The following KLHL32 variants were observed in gnomAD, a reference collection of about 807,000 sequenced individuals.
KLHL32 encodes the protein kelch-like protein 32.
KLHL32 carries 35 observed loss-of-function variants against 64.8 expected under a neutral mutation model. The ratio of observed to expected loss-of-function variants is 0.54; its 90% CI spans 0.41 to 0.72. The LOEUF (loss-of-function observed/expected upper bound fraction) is 0.72, where lower values mean the gene tolerates loss of function less well. Ranked by LOEUF, KLHL32 falls within the 30% of genes least tolerant of loss-of-function variation. The pLI is 0.00. For synonymous variants in KLHL32, 259 were observed against 281.0 expected, an observed-to-expected ratio of 0.92 and a Z score of 0.78; for missense variants, 589 against 768.5, an observed-to-expected ratio of 0.77 and a Z score of 2.76.
At chr6:96,991,022 T>C (rs1777800267) in intron 3 of KLHL32, among the ~76,000 whole-genome samples, 1 of 151,922 alleles carries the variant, frequency 6.6e-6, no homozygotes, top group African/African-American at 2.4e-5. Context: ...GGGCTTGTGG[T>C]GACTGCACTA....
intron 4 of KLHL32, among the ~76,000 whole-genome samples, chr6:97,046,752 T>C (rs1785991036): frequency 6.6e-6 from 1 of 152,206 alleles, no homozygotes; most frequent in South Asian, 2.1e-4. Context: ...GGAGTCGACA[T>C]TAACATTAAG....
At chr6:96,902,086 C>A in the KLHL32 span, among the ~76,000 whole-genome samples, 1 of 152,118 alleles carries the variant, frequency 6.6e-6, no homozygotes, top group Non-Finnish European at 1.5e-5. Flanking sequence ...AATTTATATT[C>A]CTTTGAGTAT....
chr6:97,025,975 A>T (rs1340197317), intron 3 of KLHL32, among the ~76,000 whole-genome samples: 1 of 151,472 alleles, frequency 6.6e-6, no homozygotes, highest in Non-Finnish European at 1.5e-5. Flanking sequence ...GCCCTAGAAG[A>T]AAAAACTATT....
chr6:97,025,180 T>G, intron 3 of KLHL32: 15 of 903,522 alleles, frequency 1.7e-5, no homozygotes, highest in Non-Finnish European at 1.9e-5. Flanking sequence ...TCTGTAGAAA[T>G]GCCATGATTC....
chr6:97,078,872 A>G (rs1198021781), intron 5 of KLHL32, among the ~76,000 whole-genome samples: 1 of 152,212 alleles, frequency 6.6e-6, no homozygotes, highest in Non-Finnish European at 1.5e-5. Context: ...CAGAGGCATG[A>G]TTAAACTGCA....
intron 6 of KLHL32, among the ~76,000 whole-genome samples, chr6:97,091,207 T>C (rs1794171526): frequency 6.6e-6 from 1 of 152,160 alleles, no homozygotes; most frequent in African/African-American, 2.4e-5. Flanking sequence ...AGACCCTGTC[T>C]GGAAGAAAAA....
intron 10 of KLHL32, among the ~76,000 whole-genome samples, chr6:97,137,166 G>C (rs944141808): frequency 5.3e-5 from 8 of 152,166 alleles, no homozygotes; most frequent in African/African-American, 1.9e-4. Flanking sequence ...GGGCGAAGTA[G>C]TGATACTTGT....
intron 3 of KLHL32, among the ~76,000 whole-genome samples, chr6:97,003,829 A>G (rs1043861710): frequency 2.0e-5 from 3 of 152,014 alleles, no homozygotes; most frequent in Non-Finnish European, 4.4e-5. Context: ...CTGGTTCTCT[A>G]TTCTGTTCCG....
intron 3 of KLHL32, among the ~76,000 whole-genome samples, chr6:97,020,186 C>T (rs1455932919): frequency 6.9e-6 from 1 of 145,428 alleles, no homozygotes; most frequent in Non-Finnish European, 1.5e-5. Flanking sequence ...CATGATCCAC[C>T]CGCTTCGGCC....
intron 7 of KLHL32, among the ~76,000 whole-genome samples, chr6:97,115,600 T>TTA (rs1797725811): frequency 6.6e-6 from 1 of 152,212 alleles, no homozygotes; most frequent in Non-Finnish European, 1.5e-5. Context: ...GCCTTTTTGC[T>TTA]TATACAGAAG....
At chr6:97,011,497 T>G (rs558737432) in intron 3 of KLHL32, among the ~76,000 whole-genome samples, 1 of 152,330 alleles carries the variant, frequency 6.6e-6, no homozygotes, top group South Asian at 2.1e-4. Flanking sequence ...CCTTTTTGCA[T>G]AATGAATGAG....
chr6:96,919,629 A>G (rs1366628994), upstream of KLHL32, among the ~76,000 whole-genome samples: 1 of 152,182 alleles, frequency 6.6e-6, no homozygotes, highest in Non-Finnish European at 1.5e-5. Flanking sequence ...CAATAATGCA[A>G]TTAAAAGTGT....
At chr6:97,105,173 T>C (rs1796239442) in intron 6 of KLHL32, among the ~76,000 whole-genome samples, 2 of 152,218 alleles carry the variant, frequency 1.3e-5, no homozygotes, top group Non-Finnish European at 2.9e-5. Context: ...TAAAATAATA[T>C]CTAAAACAAT....
intron 3 of KLHL32, among the ~76,000 whole-genome samples, chr6:97,026,172 T>C (rs1782700741): frequency 6.6e-6 from 1 of 152,128 alleles, no homozygotes; most frequent in South Asian, 2.1e-4. Flanking sequence ...AGCTTGTGGA[T>C]GATTCCTAAA....
At chr6:96,979,923 T>C (rs1454010831) in intron 3 of KLHL32, among the ~76,000 whole-genome samples, 2 of 152,202 alleles carry the variant, frequency 1.3e-5, no homozygotes, top group African/African-American at 4.8e-5. Flanking sequence ...TTTGTGACTA[T>C]TGTGAATGAA....
chr6:97,039,863 A>C (rs1784871232), intron 3 of KLHL32, among the ~76,000 whole-genome samples: 1 of 152,022 alleles, frequency 6.6e-6, no homozygotes, highest in African/African-American at 2.4e-5. Context: ...GAAAGAAAAG[A>C]AAATCGCTCG....
intron 4 of KLHL32, among the ~76,000 whole-genome samples, chr6:97,062,106 G>A (rs185882604): frequency 6.6e-6 from 1 of 152,258 alleles, no homozygotes; most frequent in Admixed American, 6.5e-5. Context: ...AAAAACAATC[G>A]CCGTATGGGT....
intron 1 of KLHL32, among the ~76,000 whole-genome samples, chr6:96,935,519 A>ATTTC (rs1359583510): frequency 7.9e-5 from 12 of 152,182 alleles, no homozygotes; most frequent in Non-Finnish European, 1.8e-4. Flanking sequence ...GAAAAGAGGG[A>ATTTC]ACACTAACTG....
rs889895608 is a variant in KLHL32 at position 96,941,460 on chromosome 6, C to G, written c.-66+16434C>G. Among the ~76,000 whole-genome samples the G allele has an allele frequency of 2.0e-5, 3 of 152,132 alleles. No individual in the cohort carries two copies. In the South Asian group the frequency reaches 6.2e-4, roughly 32 times the overall value. On this transcript the variant is annotated intron_variant, in intron 1 of 10. Coordinates refer to ENST00000369261, the MANE Select transcript of KLHL32 (RefSeq NM_052904.4). ...TTATTCCCATTAAGAATTAGCCATA[C>G]TTAATCTGATTTAATTCTTAAATAA... is the stretch of plus-strand genomic sequence containing the variant.
Sources: gnomAD v4.1 joint callset for allele counts (sites outside exome capture counted in the v4.1 genomes callset) on GRCh38, gnomAD v4.1.1 for gene constraint, MANE v1.5 for transcripts, NCBI Gene and HGNC (gene_info 2026-07-23, HGNC 2026-07-21) for gene names.